DNAH7: variants seen among roughly 807,000 people sequenced by gnomAD.
DNAH7 encodes dynein axonemal heavy chain 7.
DNAH7 carries 397 observed loss-of-function variants against 444.6 expected under a neutral mutation model. The ratio of observed to expected loss-of-function variants is 0.89; its 90% CI spans 0.82 to 0.97. The LOEUF (loss-of-function observed/expected upper bound fraction) is 0.97. DNAH7 is among the 50% of genes least tolerant of loss of function. The probability of loss-of-function intolerance (pLI) is 0.00; values close to 1 mark genes in which losing one functional copy is unlikely to be tolerated. For missense variants in DNAH7, 4,902 were observed against 4,800.8 expected, an observed-to-expected ratio of 1.02 and a Z score of -0.62; for synonymous variants, 1,636 against 1,624.4, an observed-to-expected ratio of 1.01 and a Z score of -0.17.
chr2:195,857,364 T>C lies in DNAH7; in HGVS notation c.8414+13A>G. On this transcript the variant is annotated intron_variant, in intron 44 of 64. Transcript: ENST00000312428. ...AGACCATACCAGCTGGATTTCTTTT[T>C]ATCAGCACTTACTTATCATATGAAT... 1 of 1,536,874 alleles carries C rather than the reference T, an allele frequency of 6.5e-7. No homozygotes were observed. The highest frequency in any genetic ancestry group is 1.3e-5 in the South Asian group (1 of 74,520).
intron 27 of DNAH7, 105 bp from the exon 28 acceptor site, chr2:195,900,599 G>T: frequency 9.3e-7 from 1 of 1,079,514 alleles, no homozygotes; most frequent in Non-Finnish European, 1.4e-6. Flanking sequence ...GGCTAAAAAA[G>T]TTTATCTCAT....
chr2:195,844,938 A>G, intron 47 of DNAH7, 64 bp downstream of exon 47: 1 of 1,462,474 alleles, frequency 6.8e-7, no homozygotes, highest in Non-Finnish European at 9.2e-7. Flanking sequence ...AAATTGTTAA[A>G]GGAACACAGA....
Position 195,906,912 on chromosome 2 carries a change from T to C in DNAH7, c.4202A>G (p.Gln1401Arg). The part of the protein sequence containing the change: ...SVVAQQILTI[Q>R]RGINAGADIL... ...AAGACAAACTAGTCCATTACCTCTT[T>C]GGATAGTAAGGATTTGTTGAGCAAC... is the stretch of plus-strand genomic sequence containing the variant. Residue 1401 changes from glutamine (Q) to arginine (R), a missense_variant, in exon 26 of 65, where the codon CAA becomes CGA. Physicochemically the swap from Gln to Arg is conservative, Grantham distance 43. Transcript: ENST00000312428. 1 of 1,612,822 alleles carries C rather than the reference T, an allele frequency of 6.2e-7. No homozygotes were observed. Among genetic ancestry groups the C allele is most frequent in the Middle Eastern group, 1.7e-4 (1 of 6,042 alleles).
At chr2:195,786,892 ACT>A in intron 58 of DNAH7, 116 bp downstream of exon 58, 1 of 1,056,666 alleles carries the variant, frequency 9.5e-7, no homozygotes, top group Non-Finnish European at 1.3e-6. Flanking sequence ...GTTGGGAACT[ACT>A]CTCCTATTCA....
intron 17 of DNAH7, among the ~76,000 whole-genome samples, chr2:195,963,689 C>T (rs2125542041): frequency 6.6e-6 from 1 of 152,254 alleles, no homozygotes; most frequent in East Asian, 1.9e-4. Flanking sequence ...TTTGCCCAGT[C>T]CAAATTCCTG....
Position 195,777,936 on chromosome 2 carries a change from C to T in DNAH7, c.10928G>A (p.Gly3643Glu). 6.2e-7 allele frequency: 1 copy of T among 1,614,114 alleles called. No homozygotes were observed. The highest frequency in any genetic ancestry group is 8.5e-7 in the Non-Finnish European group (1 of 1,179,974). The change falls in exon 59 of 65, where the codon GGA becomes GAA. Residue 3643 changes from glycine (G) to glutamate (E), a missense_variant. Transcript: ENST00000312428. ...LRYMTGECNYGGRVTDDWDRR... is the reference protein window; with the variant it reads ...LRYMTGECNYEGRVTDDWDRR... ...GTCCCAGTCATCGGTCACTCTGCCT[C>T]CGTAATTGCATTCGCCAGTCATGTA...
chr2:195,772,807 G>A (rs888352198), intron 60 of DNAH7, among the ~76,000 whole-genome samples: 1 of 131,102 alleles, frequency 7.6e-6, no homozygotes, highest in African/African-American at 3.0e-5. Flanking sequence ...TTGAGATGTA[G>A]TCTCACTCTG....
At chr2:195,979,432 A>G (rs1041795283) in intron 15 of DNAH7, among the ~76,000 whole-genome samples, 6 of 152,180 alleles carry the variant, frequency 3.9e-5, no homozygotes, top group Non-Finnish European at 7.4e-5. Context: ...GGAAGTGATA[A>G]TGGAAACATA....
intron 9 of DNAH7, among the ~76,000 whole-genome samples, chr2:196,018,424 T>C (rs2125745969): frequency 6.6e-6 from 1 of 152,244 alleles, no homozygotes; most frequent in East Asian, 1.9e-4. Flanking sequence ...TTTGTGAATC[T>C]ATCCCATGTA....
intron 10 of DNAH7, among the ~76,000 whole-genome samples, chr2:196,004,390 A>G (rs1333815029): frequency 6.6e-6 from 1 of 152,234 alleles, no homozygotes; most frequent in Non-Finnish European, 1.5e-5. Flanking sequence ...AAAATAGTTG[A>G]TGGTCATAAA....
At chr2:195,885,143 AG>A (rs1182390974) in intron 34 of DNAH7, among the ~76,000 whole-genome samples, 2 of 152,248 alleles carry the variant, frequency 1.3e-5, no homozygotes, top group African/African-American at 2.4e-5. Flanking sequence ...TAAGGTATTA[AG>A]GCACACTTTA....
intron 30 of DNAH7, chr2:195,893,884 TG>T: frequency 6.6e-6 from 1 of 152,212 alleles, no homozygotes; most frequent in South Asian, 2.1e-4. Flanking sequence ...TGGGTTCTTT[TG>T]GAGACTTTAT....
At chr2:196,026,722 A>G (rs1293925013) in intron 7 of DNAH7, 38 bp downstream of exon 7, 2 of 1,412,920 alleles carry the variant, frequency 1.4e-6, no homozygotes, top group African/African-American at 1.4e-5. Flanking sequence ...AATGAGACAC[A>G]TATTTGAATT....
chr2:195,740,697 A>C (rs1692976770), intron 64 of DNAH7, 69 bp downstream of exon 64: 1 of 478,866 alleles, frequency 2.1e-6, no homozygotes, highest in Non-Finnish European at 3.1e-6. Flanking sequence ...TATGGGGTCT[A>C]TTTTATATAT....
At chr2:195,771,596 T>C in intron 61 of DNAH7, 64 bp downstream of exon 61, 1 of 1,213,386 alleles carries the variant, frequency 8.2e-7, no homozygotes, top group South Asian at 1.3e-5. Context: ...AAACAAGTAT[T>C]TGCTAAATAA....
rs777323427 is a variant in DNAH7, at chr2:195,960,375, C to G, written c.2776G>C (p.Gly926Arg). The G allele has an allele frequency of 3.7e-6, 6 of 1,614,060 alleles. No homozygotes were observed. The South Asian group carries it at 6.6e-5, about 18-fold the overall frequency. The change falls in exon 18 of 65, where the codon GGG becomes CGG. Residue 926 changes from glycine (G) to arginine (R), a missense_variant. By Grantham distance (125) the Gly-to-Arg change is moderately radical. Transcript: ENST00000312428. The stretch of plus-strand genomic sequence containing the variant: ...TCAACTGATGCCAAAATAAATGTCC[C>G]AGTTTCTCTATAAGAATGGATGACA... Reference protein sequence around the residue: ...EFVIHSYRETGTFILASVDEI... With the variant: ...EFVIHSYRETRTFILASVDEI...
chr2:195,844,489 C>T (rs1167860717), intron 47 of DNAH7, among the ~76,000 whole-genome samples: 1 of 152,102 alleles, frequency 6.6e-6, no homozygotes, highest in African/African-American at 2.4e-5. Context: ...TAATATTCTC[C>T]CAGCCCAGAC....
At chr2:195,825,491 A>G (rs895254033) in intron 48 of DNAH7, among the ~76,000 whole-genome samples, 18 of 152,188 alleles carry the variant, frequency 1.2e-4, no homozygotes, top group Non-Finnish European at 2.6e-4. Flanking sequence ...ATAGTGTATC[A>G]TATTAGTGTT....
At chr2:195,972,607 G>T in intron 15 of DNAH7, 141 bp from the exon 16 acceptor site, 1 of 596,464 alleles carries the variant, frequency 1.7e-6, no homozygotes, top group Non-Finnish European at 2.9e-6. Context: ...CTACAGCATA[G>T]TTTCCTTCTC....
Sources: allele counts gnomAD v4.1 joint callset (sites outside exome capture counted in the v4.1 genomes callset), GRCh38; gene constraint gnomAD v4.1.1; transcripts MANE v1.5; gene names NCBI Gene and HGNC (gene_info 2026-07-23, HGNC 2026-07-21).